Variants in AMZ1 observed in about 807,000 individuals in gnomAD.
The protein encoded by AMZ1 is archaelysin family metallopeptidase 1, also known as archaemetzincin-1.
Under a neutral mutation model 29.9 loss-of-function variants are expected in AMZ1, and 39 were observed. That is an observed-to-expected ratio of 1.30 (90% CI 1.01 to 1.70). AMZ1 has a LOEUF of 1.70. Ranked by LOEUF, AMZ1 falls within the 40% of genes most tolerant of loss-of-function variation. The pLI is 0.00. For synonymous variants in AMZ1, 458 were observed against 304.0 expected, an observed-to-expected ratio of 1.51 and a Z score of -5.27; for missense variants, 1,041 against 680.6, an observed-to-expected ratio of 1.53 and a Z score of -5.89.
upstream of AMZ1, among the ~76,000 whole-genome samples, chr7:2,685,060 G>A (rs1220073053): frequency 1.3e-5 from 2 of 151,650 alleles, no homozygotes; most frequent in African/African-American, 2.4e-5. Context: ...TAGTAAAGAT[G>A]GAGTTTCACT....
intron 4 of AMZ1, among the ~76,000 whole-genome samples, chr7:2,754,897 C>T (rs1174482608): frequency 6.6e-6 from 1 of 152,206 alleles, no homozygotes; most frequent in Non-Finnish European, 1.5e-5. Flanking sequence ...CTACTGTTAT[C>T]TTCTCTCAAG....
chr7:2,704,327 A>T (rs1357687237), intron 3 of AMZ1, among the ~76,000 whole-genome samples: 1 of 152,080 alleles, frequency 6.6e-6, no homozygotes, highest in African/African-American at 2.4e-5. Context: ...ACTAGGCCAG[A>T]CCCTGTCTGT....
intron 4 of AMZ1, among the ~76,000 whole-genome samples, chr7:2,738,234 G>C (rs1043455492): frequency 6.6e-6 from 1 of 151,914 alleles, no homozygotes; most frequent in African/African-American, 2.4e-5. Flanking sequence ...GGCCAACATG[G>C]TGAAACCCTG....
chr7:2,761,709 T>C (rs544504811), upstream of AMZ1, among the ~76,000 whole-genome samples: 20 of 152,242 alleles, frequency 1.3e-4, no homozygotes, highest in Middle Eastern at 3.4e-3. Flanking sequence ...AATCCTTGAA[T>C]TTGCTTAAAA....
intron 4 of AMZ1, among the ~76,000 whole-genome samples, chr7:2,745,116 C>T (rs1790703343): frequency 6.6e-6 from 1 of 152,238 alleles, no homozygotes; most frequent in African/African-American, 2.4e-5. Flanking sequence ...TCCAGGAAAA[C>T]TTCCCCAATC....
rs1788629307 is a variant in AMZ1, at chr7:2,709,672, C to T, written c.804C>T (p.Gly268=). 1 of 1,610,574 alleles carries T rather than the reference C, an allele frequency of 6.2e-7. No individual in the cohort carries two copies. Among genetic ancestry groups the T allele is most frequent in the Non-Finnish European group, 8.5e-7 (1 of 1,179,624 alleles). ...GCCACGAGCTCTGCCACCTTCTGGGCCTGGGGAACTGCCGCTGGCTCCGCT... is the reference window on the plus strand; with the variant it reads ...GCCACGAGCTCTGCCACCTTCTGGGTCTGGGGAACTGCCGCTGGCTCCGCT... The part of the protein sequence containing the change: ...VTCHELCHLL[G]LGNCRWLRCL... Residue 268 remains glycine, a synonymous_variant, in exon 6 of 7, where the codon GGC becomes GGT. Coordinates refer to ENST00000683327, the MANE Select transcript of AMZ1 (RefSeq NM_001384743.1).
In AMZ1 at chr7:2,714,109, C is replaced by T. The variant is rs937988484; in HGVS notation, c.*1231C>T. On this transcript the variant is annotated 3_prime_UTR_variant, in exon 7 of 7. Coordinates refer to ENST00000683327, the MANE Select transcript of AMZ1 (RefSeq NM_001384743.1). ...TTATTGTCACACGTACCCCCTCAGC[C>T]TGTGGTGGAGGGTCTCTGGGAGAGA... 2 of 152,236 alleles carry T rather than the reference C, an allele frequency of 1.3e-5. No homozygotes were observed. Among genetic ancestry groups the T allele is most frequent in the African/African-American group, 4.8e-5 (2 of 41,418 alleles). 9.4% of individuals were successfully genotyped at this position (152,236 alleles called of 1,614,324 possible).
chr7:2,731,508 G>C lies in AMZ1; in HGVS notation n.550+21692G>C, dbSNP rs1789893849. The C allele has an allele frequency of 6.2e-7, 1 of 1,613,410 alleles. No homozygotes were observed. Among genetic ancestry groups the C allele is most frequent in the African/African-American group, 1.3e-5 (1 of 75,018 alleles). ...TGACGATGGTCTCGAAGATGTTCAT[G>C]GACTCCACCAGCCGGTTGGTGCGCC... On this transcript the variant is annotated intron_variant and non_coding_transcript_variant, in intron 4 of 4. Coordinates refer to the AMZ1 transcript ENST00000489665. The surrounding 1 kb of genome is among the most constrained non-coding windows in gnomAD (Gnocchi z 6.0).
At chr7:2,732,295 T>C (rs1193226708) in intron 4 of AMZ1, among the ~76,000 whole-genome samples, 1 of 152,174 alleles carries the variant, frequency 6.6e-6, no homozygotes, top group East Asian at 1.9e-4. Context: ...CTCACACCTA[T>C]AATCCTGGTG....
rs1269018277 is a variant in AMZ1, at chr7:2,717,555, C to G, written c.*4677C>G. Among the ~76,000 whole-genome samples, 1 of 152,218 alleles carries G rather than the reference C, an allele frequency of 6.6e-6. No homozygotes were observed. The highest frequency in any genetic ancestry group is 1.5e-5 in the Non-Finnish European group (1 of 68,046). On this transcript the variant is annotated 3_prime_UTR_variant, in exon 7 of 7. Transcript: ENST00000683327. ...TGGGGCAACTGCACACAGAGGTGCC[C>G]AGTTTCAAGGAAACCTAAAGCAGCA...
chr7:2,739,040 C>G (rs1356233902), intron 4 of AMZ1, among the ~76,000 whole-genome samples: 1 of 152,190 alleles, frequency 6.6e-6, no homozygotes, highest in Non-Finnish European at 1.5e-5. Context: ...CGTGGAGCAG[C>G]CTCTACAACT....
intron 1 of AMZ1, among the ~76,000 whole-genome samples, chr7:2,690,642 C>G (rs772601001): frequency 6.6e-6 from 1 of 152,154 alleles, no homozygotes; most frequent in Non-Finnish European, 1.5e-5. Flanking sequence ...GTGCCCGCCA[C>G]TGCTTGCGGG....
At position 2,709,813 on chromosome 7, in the gene AMZ1, C is replaced by T. The variant is rs200983618; in HGVS notation, c.945C>T (p.Tyr315=). Residue 315 remains tyrosine (Y), a synonymous_variant, in exon 6 of 7, where the codon TAC becomes TAT. Coordinates refer to ENST00000683327, the MANE Select transcript of AMZ1 (RefSeq NM_001384743.1). ...TGGGTTTCAGGCTCATCGAGAGGTA[C>T]CAGGTGAGTGGCTGAGTTGCGCTGC... ...HVLGFRLIER[Y]QRLYTWTQAV... 6.2e-7 allele frequency: 1 copy of T among 1,611,824 alleles called. No individual in the cohort carries two copies. Among genetic ancestry groups the T allele is most frequent in the African/African-American group, 1.3e-5 (1 of 75,012 alleles).
At chr7:2,733,931 T>C (rs1057357120) in intron 4 of AMZ1, among the ~76,000 whole-genome samples, 13 of 152,266 alleles carry the variant, frequency 8.5e-5, no homozygotes, top group African/African-American at 3.1e-4. Flanking sequence ...CCCAAGACAT[T>C]GTCCTTAAAG....
chr7:2,762,684 C>T (rs564992122), upstream of AMZ1: 200 of 1,584,826 alleles, frequency 1.3e-4, 2 homozygotes, highest in Middle Eastern at 1.8e-3. Flanking sequence ...TGGAAAGAAA[C>T]CACGCTGCCC....
Position 2,712,614 on chromosome 7 carries a change from G to C in AMZ1, c.1233G>C (p.Leu411=). 6.2e-7 allele frequency: 1 copy of C among 1,612,876 alleles called. No individual in the cohort carries two copies. Among genetic ancestry groups the C allele is most frequent in the Non-Finnish European group, 8.5e-7 (1 of 1,179,826 alleles). ...CCATCAAGGAGCATGAACGGTGGCT[G>C]GCCATGTGCATCCAGGCCCTGCAGC... ...AEAIKEHERW[L]AMCIQALQRE... The change falls in exon 7 of 7, where the codon CTG becomes CTC. Residue 411 remains leucine, a synonymous_variant. Coordinates refer to ENST00000683327, the MANE Select transcript of AMZ1 (RefSeq NM_001384743.1).
chr7:2,706,517 G>A (rs920892137), intron 3 of AMZ1, among the ~76,000 whole-genome samples: 1 of 152,204 alleles, frequency 6.6e-6, no homozygotes, highest in African/African-American at 2.4e-5. Flanking sequence ...GCAGGGCCAC[G>A]TGGTCTCAGA....
Position 2,712,861 on chromosome 7 carries a change from G to T in AMZ1, c.1480G>T (p.Asp494Tyr), listed in dbSNP as rs764046030. 4.6e-6 allele frequency: 7 copies of T among 1,523,492 alleles called. No individual in the cohort carries two copies. The Admixed American group carries it at 1.5e-4, about 32-fold the overall frequency. The allele number at this position is 1,523,492 out of a possible 1,614,324, so 94.4% of individuals were successfully genotyped here. Residue 494 changes from aspartate to tyrosine, a missense_variant, in exon 7 of 7, where the codon GAT becomes TAT. Physicochemically the swap from Asp to Tyr is radical, Grantham distance 160. Transcript: ENST00000683327. ...ARAESAPRPW[D>Y]GEES is the part of the protein sequence containing the mutation. ...AGCAGAGTCGGCCCCCCGTCCCTGGGATGGGGAAGAGAGTTAGTACAGCAG... is the reference window on the plus strand; with the variant it reads ...AGCAGAGTCGGCCCCCCGTCCCTGGTATGGGGAAGAGAGTTAGTACAGCAG...
Position 2,713,603 on chromosome 7 carries a change from C to A in AMZ1, c.*725C>A, listed in dbSNP as rs973581076. 2 of 152,532 alleles carry A rather than the reference C, an allele frequency of 1.3e-5. No homozygotes were observed. The highest frequency in any genetic ancestry group is 1.3e-4 in the Admixed American group (2 of 15,282). 9.4% of individuals were successfully genotyped at this position (152,532 alleles called of 1,614,324 possible). On this transcript the variant is annotated 3_prime_UTR_variant, in exon 7 of 7. Transcript: ENST00000683327. The stretch of plus-strand genomic sequence containing the variant: ...AGTCTCCTCCCTAACGGGGAAGTGA[C>A]GGGGTTTTGTCTCTATCATCTCAGG...
Sources: allele counts gnomAD v4.1 joint callset (sites outside exome capture counted in the v4.1 genomes callset), GRCh38; gene constraint gnomAD v4.1.1; non-coding constraint Gnocchi (gnomAD v3.1); transcripts MANE v1.5; gene names NCBI Gene and HGNC (gene_info 2026-07-23, HGNC 2026-07-21).